Variants in HECW2 observed in about 807,000 individuals in gnomAD.
HECW2 encodes the protein HECT, C2 and WW domain containing E3 ubiquitin protein ligase 2, also known as E3 ubiquitin-protein ligase HECW2.
HECW2 carries 61 observed loss-of-function variants against 175.2 expected under a neutral mutation model. The observed-to-expected ratio is 0.35, with a 90% CI of 0.28 to 0.43. HECW2 has a LOEUF of 0.43. Among genes scored for constraint, HECW2 ranks in the 20% least tolerant of loss-of-function variants. HECW2 has a pLI of 1.00. For synonymous variants in HECW2, 671 were observed against 731.0 expected, an observed-to-expected ratio of 0.92 and a Z score of 1.32; for missense variants, 1,524 against 2,000.5, an observed-to-expected ratio of 0.76 and a Z score of 4.54.
intron 1 of HECW2, among the ~76,000 whole-genome samples, chr2:196,473,202 C>A (rs1697284669): frequency 6.6e-6 from 1 of 152,156 alleles, no homozygotes; most frequent in Non-Finnish European, 1.5e-5. Context: ...GAACCATTTG[C>A]ATGTACTGAA....
At chr2:196,226,177 G>C (rs1687843133) in intron 22 of HECW2, among the ~76,000 whole-genome samples, 1 of 152,022 alleles carries the variant, frequency 6.6e-6, no homozygotes, top group African/African-American at 2.4e-5. Context: ...CTTCATGATA[G>C]TGAGTTCTCA....
chr2:196,365,588 C>T (rs1693721641), intron 2 of HECW2, among the ~76,000 whole-genome samples: 1 of 152,122 alleles, frequency 6.6e-6, no homozygotes, highest in Admixed American at 6.6e-5. Flanking sequence ...TGGGAATACA[C>T]ATCAGTCTGT....
At chr2:196,278,415 C>CA (rs756473431) in intron 15 of HECW2, 113 bp downstream of exon 15, 93,907 of 916,736 alleles carry the variant, frequency 0.1, no homozygotes, top group Middle Eastern at 0.12. Flanking sequence ...AAATCAAACT[C>CA]AAAAAAAAAA....
chr2:196,456,389 T>C (rs1408054705), intron 1 of HECW2, among the ~76,000 whole-genome samples: 1 of 152,102 alleles, frequency 6.6e-6, no homozygotes, highest in Non-Finnish European at 1.5e-5. Flanking sequence ...CTATCACTGA[T>C]TTACCTTATC....
chr2:196,326,107 G>T (rs1692140958), intron 5 of HECW2, among the ~76,000 whole-genome samples: 1 of 152,250 alleles, frequency 6.6e-6, no homozygotes, highest in African/African-American at 2.4e-5. Flanking sequence ...TTCTGCATAT[G>T]GCCCCTGAAC....
chr2:196,294,989 C>A (rs367973012), intron 13 of HECW2, among the ~76,000 whole-genome samples: 1 of 151,858 alleles, frequency 6.6e-6, no homozygotes, highest in South Asian at 2.1e-4. Flanking sequence ...CCTATCAAAA[C>A]AAATTAAAGG....
chr2:196,424,260 G>A (rs1575527204), intron 2 of HECW2, among the ~76,000 whole-genome samples: 1 of 151,930 alleles, frequency 6.6e-6, no homozygotes, highest in Non-Finnish European at 1.5e-5. Context: ...CTGACCCAAC[G>A]ATCCTCTTTC....
At chr2:196,566,554 G>A (rs1459378506) in intron 1 of HECW2, among the ~76,000 whole-genome samples, 2 of 142,230 alleles carry the variant, frequency 1.4e-5, no homozygotes, top group South Asian at 4.4e-4. Context: ...TTTTTGAAAT[G>A]GAATCTCGTT....
At chr2:196,250,103 T>C (rs1575294200) in intron 19 of HECW2, among the ~76,000 whole-genome samples, 2 of 152,210 alleles carry the variant, frequency 1.3e-5, no homozygotes, top group South Asian at 4.1e-4. Flanking sequence ...ATTTGGCAAT[T>C]TACCTTTTCC....
intron 2 of HECW2, chr2:196,361,812 C>A: frequency 1.0e-6 from 1 of 985,236 alleles, no homozygotes; most frequent in Non-Finnish European, 1.2e-6. Context: ...AATATCTTAC[C>A]TCATATAATC....
chr2:196,378,155 C>T (rs1390754956), intron 2 of HECW2, among the ~76,000 whole-genome samples: 1 of 152,134 alleles, frequency 6.6e-6, no homozygotes, highest in Non-Finnish European at 1.5e-5. Context: ...AAGTCAGATT[C>T]CTAAGTTTAA....
chr2:196,310,357 T>G (rs1007000967), intron 10 of HECW2, among the ~76,000 whole-genome samples: 4 of 152,234 alleles, frequency 2.6e-5, no homozygotes, highest in African/African-American at 9.6e-5. Context: ...AATTCTATAG[T>G]GCCAATTTCA....
intron 1 of HECW2, among the ~76,000 whole-genome samples, chr2:196,483,348 G>A (rs1302026354): frequency 6.6e-6 from 1 of 152,196 alleles, no homozygotes; most frequent in Non-Finnish European, 1.5e-5. Flanking sequence ...CTTGAAGAAT[G>A]AAGACTGCTC....
In HECW2 at chr2:196,278,568, C is replaced by A. The variant is rs758073377; in HGVS notation, c.3095G>T (p.Arg1032Leu). Residue 1032 changes from arginine (R) to leucine (L), a missense_variant, in exon 15 of 29, where the codon CGG (arginine) becomes CTG (leucine). Around this residue, in one of 11 missense-constraint regions of HECW2, gnomAD observed 291 missense variants for 412.2 expected, o/e 0.71. Transcript: ENST00000644978. Reference protein sequence around the residue: ...SSRPTSALVHRQHLTRQRSHS... With the variant: ...SSRPTSALVHLQHLTRQRSHS... ...GCTGCGTTGCCTTGTCAGGTGTTGC[C>A]GATGAACCAGCGCACTTGTGGGTCT... 1.2e-6 allele frequency: 2 copies of A among 1,613,972 alleles called. No homozygotes were observed. Among genetic ancestry groups the A allele is most frequent in the African/African-American group, 2.7e-5 (2 of 74,904 alleles).
At chr2:196,235,488 A>AG (rs1373973234) in intron 21 of HECW2, among the ~76,000 whole-genome samples, 2 of 151,898 alleles carry the variant, frequency 1.3e-5, no homozygotes, top group African/African-American at 4.8e-5. Context: ...CATCCTGTAA[A>AG]TTTCTGACTA....
intron 2 of HECW2, among the ~76,000 whole-genome samples, chr2:196,382,504 G>A (rs1160197306): frequency 1.3e-5 from 2 of 151,752 alleles, no homozygotes; most frequent in African/African-American, 4.8e-5. Context: ...TTATCTTACA[G>A]TTTTTTAAAA....
chr2:196,593,097 G>A (rs1030667503), intron 1 of HECW2, among the ~76,000 whole-genome samples: 5 of 151,148 alleles, frequency 3.3e-5, no homozygotes, highest in African/African-American at 1.2e-4. Flanking sequence ...AGCGGGCTGG[G>A]TCTCGGCTCG....
At chr2:196,546,705 A>G (rs1326967659) in intron 1 of HECW2, among the ~76,000 whole-genome samples, 1 of 152,172 alleles carries the variant, frequency 6.6e-6, no homozygotes, top group Non-Finnish European at 1.5e-5. Context: ...ATGACAGCTC[A>G]ACCGCATAGG....
At chr2:196,276,526 A>G (rs1451541262) in intron 15 of HECW2, among the ~76,000 whole-genome samples, 2 of 152,210 alleles carry the variant, frequency 1.3e-5, no homozygotes, top group Non-Finnish European at 2.9e-5. Context: ...AAGTCATGAT[A>G]AGGTGAGTGG....
Sources: allele counts gnomAD v4.1 joint callset (sites outside exome capture counted in the v4.1 genomes callset), GRCh38; gene constraint gnomAD v4.1.1; regional missense constraint gnomAD v4.1.1; transcripts MANE v1.5; gene names NCBI Gene and HGNC (gene_info 2026-07-23, HGNC 2026-07-21).